RAPGEF1: variants seen among roughly 807,000 people sequenced by gnomAD.
RAPGEF1 encodes the protein Rap guanine nucleotide exchange factor 1, also known as CRK SH3-binding GNRP.
RAPGEF1 carries 33 observed loss-of-function variants against 143.3 expected under a neutral mutation model. The observed-to-expected ratio is 0.23, with a 90% CI of 0.17 to 0.31. The LOEUF is 0.31. Ranked by LOEUF, RAPGEF1 falls within the 10% of genes least tolerant of loss-of-function variation. The pLI is 1.00. For missense variants in RAPGEF1, 1,199 were observed against 1,645.4 expected (o/e 0.73, Z 4.69); for synonymous variants, 629 against 676.5 (o/e 0.93, Z 1.09).
At chr9:131,709,694 G>C (rs770692506) in intron 1 of RAPGEF1, 1 of 1,613,964 alleles carries the variant, frequency 6.2e-7, no homozygotes, top group Non-Finnish European at 8.5e-7. Flanking sequence ...TTTAAAGCCA[G>C]AGGACACAGG....
At chr9:131,698,328 G>A (rs190932836) in intron 1 of RAPGEF1, among the ~76,000 whole-genome samples, 1 of 152,288 alleles carries the variant, frequency 6.6e-6, no homozygotes, top group East Asian at 1.9e-4. Context: ...GGGCTTTGAC[G>A]TCAGAGACCA....
chr9:131,683,997 C>T (rs202025545), intron 1 of RAPGEF1, among the ~76,000 whole-genome samples: 14 of 152,234 alleles, frequency 9.2e-5, no homozygotes, highest in African/African-American at 1.7e-4. Context: ...AATGGCCGAT[C>T]GCCTAGTTGC....
intron 22 of RAPGEF1, among the ~76,000 whole-genome samples, chr9:131,585,192 GTTC>G (rs746557854): frequency 5.3e-5 from 8 of 152,158 alleles, no homozygotes; most frequent in African/African-American, 9.7e-5. Context: ...TGCACTGCTG[GTTC>G]TTCTTTTTTA....
rs879575805 is a variant in RAPGEF1 at position 131,584,112 on chromosome 9, C to T, written c.3414+199G>A. ...ACCCCAGAACCAACCTCGAAGCTCC[C>T]GGGGGCCTGAAGATTGGGGATCAGA... is the stretch of plus-strand genomic sequence containing the variant. On this transcript the variant is annotated intron_variant, in intron 24 of 26. Coordinates refer to ENST00000683357, the MANE Select transcript of RAPGEF1 (RefSeq NM_001377935.1). This position sits in a 1 kb window ranked among gnomAD's most constrained non-coding sequence, Gnocchi z 6.8. Among the ~76,000 whole-genome samples the T allele has an allele frequency of 5.9e-5, 9 of 152,182 alleles. No individual in the cohort carries two copies. Among genetic ancestry groups the T allele is most frequent in the Admixed American group, 1.3e-4 (2 of 15,282 alleles).
chr9:131,682,005 G>A (rs956697112), intron 1 of RAPGEF1, among the ~76,000 whole-genome samples: 5 of 152,202 alleles, frequency 3.3e-5, no homozygotes, highest in African/African-American at 9.7e-5. Flanking sequence ...CAGAGGGAAA[G>A]CGCATTTAGT....
chr9:131,586,079 T>C (rs1952674021), intron 22 of RAPGEF1, among the ~76,000 whole-genome samples: 1 of 151,918 alleles, frequency 6.6e-6, no homozygotes, highest in Admixed American at 6.6e-5. Context: ...CTCTGGAGGC[T>C]GAGGCAGGAG....
intron 10 of RAPGEF1, among the ~76,000 whole-genome samples, chr9:131,623,560 C>T (rs1961943078): frequency 6.6e-6 from 1 of 152,252 alleles, no homozygotes; most frequent in Admixed American, 6.5e-5. Context: ...CAGTGATGCT[C>T]CCAGCCTTCT....
chr9:131,644,113 C>T (rs1968855016), intron 3 of RAPGEF1, among the ~76,000 whole-genome samples: 1 of 152,146 alleles, frequency 6.6e-6, no homozygotes. Flanking sequence ...ATTCATGGTC[C>T]CTCTGCTCCT....
intron 17 of RAPGEF1, among the ~76,000 whole-genome samples, chr9:131,594,644 C>T (rs1322231192): frequency 1.3e-5 from 2 of 152,250 alleles, no homozygotes; most frequent in East Asian, 3.8e-4. Context: ...CCAGTGGAGC[C>T]ATGGCTTCTG....
In RAPGEF1 at chr9:131,587,931, G is replaced by C; in HGVS notation, c.3138+11C>G. 1 of 1,607,422 alleles carries C rather than the reference G, an allele frequency of 6.2e-7. No individual in the cohort carries two copies. The highest frequency in any genetic ancestry group is 8.5e-7 in the Non-Finnish European group (1 of 1,176,596). On this transcript the variant is annotated intron_variant, in intron 21 of 26. Transcript: ENST00000683357. ...AACAGTGTGGCTCCCCCTGGCAGGA[G>C]CAGCCTGTACCTCTATTTTATAGAA...
chr9:131,598,121 A>C, intron 16 of RAPGEF1, 78 bp downstream of exon 16: 1 of 1,271,822 alleles, frequency 7.9e-7, no homozygotes, highest in Non-Finnish European at 1.1e-6. Context: ...TGCTTATGAC[A>C]AGATCACATT....
intron 15 of RAPGEF1, among the ~76,000 whole-genome samples, chr9:131,601,466 T>C (rs1956271284): frequency 6.6e-6 from 1 of 152,180 alleles, no homozygotes; most frequent in South Asian, 2.1e-4. Flanking sequence ...GTAGATAATA[T>C]AGGTGCAAAC....
At chr9:131,627,675 C>T (rs551572816) in intron 9 of RAPGEF1, among the ~76,000 whole-genome samples, 11 of 152,186 alleles carry the variant, frequency 7.2e-5, no homozygotes, top group Non-Finnish European at 1.3e-4. Context: ...TAACAGTCAC[C>T]GCTTGAATAT....
Position 131,605,438 on chromosome 9 carries a change from G to C in RAPGEF1, c.2062-250C>G, listed in dbSNP as rs568533868. Among the ~76,000 whole-genome samples the C allele has an allele frequency of 1.5e-4, 23 of 152,316 alleles. 2 individuals carry two copies. The highest frequency in any genetic ancestry group is 1.3e-3 in the Admixed American group (20 of 15,300). On this transcript the variant is annotated intron_variant, in intron 12 of 26. Transcript: ENST00000683357. ...GTCCTCAGGGCTATCTAAACAGCATGACACAGAGAACGGCTCAAGTGGCCA... is the reference window on the plus strand; with the variant it reads ...GTCCTCAGGGCTATCTAAACAGCATCACACAGAGAACGGCTCAAGTGGCCA...
At chr9:131,586,371 C>A (rs1235023547) in intron 22 of RAPGEF1, among the ~76,000 whole-genome samples, 2 of 127,278 alleles carry the variant, frequency 1.6e-5, no homozygotes, top group East Asian at 4.3e-4. Flanking sequence ...CACACACACA[C>A]ACCCACCTGC....
chr9:131,639,544 T>C (rs556018595), intron 4 of RAPGEF1, among the ~76,000 whole-genome samples: 1 of 152,124 alleles, frequency 6.6e-6, no homozygotes, highest in East Asian at 1.9e-4. Flanking sequence ...TCAATGATTG[T>C]AGAGTAGCAG....
intron 1 of RAPGEF1, among the ~76,000 whole-genome samples, chr9:131,712,945 A>G (rs1468119117): frequency 1.3e-5 from 2 of 152,122 alleles, no homozygotes; most frequent in African/African-American, 4.8e-5. Flanking sequence ...TTTTACAGTC[A>G]TCCCCTCTGC....
Position 131,638,689 on chromosome 9 carries a change from C to T in RAPGEF1, c.597G>A (p.Lys199=). The T allele has an allele frequency of 6.2e-7, 1 of 1,614,054 alleles. No individual in the cohort carries two copies. Among genetic ancestry groups the T allele is most frequent in the Non-Finnish European group, 8.5e-7 (1 of 1,179,896 alleles). The change falls in exon 5 of 27, where the codon AAG becomes AAA. Residue 199 remains lysine, a synonymous_variant. Transcript: ENST00000683357. Reference sequence around the variant, plus strand: ...CCCCCTTCACAGTCGTCACCATCTCCTTGTCTTCTGAGTTCACGCCTTCCA... The same window carrying T: ...CCCCCTTCACAGTCGTCACCATCTCTTTGTCTTCTGAGTTCACGCCTTCCA... ...VMLEGVNSED[K]EMVTTVKGVI...
chr9:131,588,116 G>C (rs1953500147), intron 20 of RAPGEF1, 90 bp from the exon 21 acceptor site: 1 of 1,127,866 alleles, frequency 8.9e-7, no homozygotes, highest in East Asian at 2.5e-5. Flanking sequence ...GTCAGAGCAG[G>C]AGAGCCTCTC....
Sources: gnomAD v4.1 joint callset for allele counts (sites outside exome capture counted in the v4.1 genomes callset) on GRCh38, gnomAD v4.1.1 for gene constraint, Gnocchi (gnomAD v3.1) non-coding constraint, MANE v1.5 for transcripts, NCBI Gene and HGNC (gene_info 2026-07-23, HGNC 2026-07-21) for gene names.